The following SNTB1 variants were observed in gnomAD, a reference collection of about 807,000 sequenced individuals.
SNTB1 encodes syntrophin beta 1.
Under a neutral mutation model 48.9 loss-of-function variants are expected in SNTB1, and 36 were observed. That is an observed-to-expected ratio of 0.74 (90% CI 0.56 to 0.97). The LOEUF is 0.97. Among genes scored for constraint, SNTB1 ranks in the 50% least tolerant of loss-of-function variants. The pLI is 0.00. For synonymous variants in SNTB1, 299 were observed against 294.6 expected, an observed-to-expected ratio of 1.01 and a Z score of -0.15; for missense variants, 786 against 703.4, an observed-to-expected ratio of 1.12 and a Z score of -1.33.
chr8:120,603,726 T>C (rs1816463886), intron 3 of SNTB1, among the ~76,000 whole-genome samples: 1 of 152,160 alleles, frequency 6.6e-6, no homozygotes, highest in Non-Finnish European at 1.5e-5. Flanking sequence ...AACTGCTGGG[T>C]CCTATGTCAC....
intron 1 of SNTB1, among the ~76,000 whole-genome samples, chr8:120,703,929 A>G (rs1335895596): frequency 1.3e-5 from 2 of 152,242 alleles, no homozygotes; most frequent in Non-Finnish European, 2.9e-5. Context: ...CTACCTTATA[A>G]GAAAGAAAAT....
At chr8:120,662,192 T>C (rs1817599711) in intron 2 of SNTB1, among the ~76,000 whole-genome samples, 1 of 152,260 alleles carries the variant, frequency 6.6e-6, no homozygotes. Context: ...ACAAAATTGC[T>C]ATTTAAAAAA....
intron 3 of SNTB1, among the ~76,000 whole-genome samples, chr8:120,578,183 G>GC (rs1479216513): frequency 6.7e-6 from 1 of 150,048 alleles, no homozygotes; most frequent in African/African-American, 2.4e-5. Context: ...ACAGGCGCCC[G>GC]CCATCACGCC....
chr8:120,670,940 T>C (rs950934187), intron 2 of SNTB1, among the ~76,000 whole-genome samples: 1 of 152,224 alleles, frequency 6.6e-6, no homozygotes, highest in Admixed American at 6.5e-5. Context: ...TGCTCAAAGT[T>C]ATCAATTAGT....
chr8:120,768,471 C>A (rs1330042291), intron 1 of SNTB1, among the ~76,000 whole-genome samples: 1 of 152,130 alleles, frequency 6.6e-6, no homozygotes, highest in Non-Finnish European at 1.5e-5. Context: ...CCAATGATAT[C>A]ATTTATATTT....
chr8:120,579,611 T>A (rs1816011326), intron 3 of SNTB1, among the ~76,000 whole-genome samples: 1 of 152,020 alleles, frequency 6.6e-6, no homozygotes. Flanking sequence ...GCCCAGGTGA[T>A]GGAGTTGCAG....
At chr8:120,682,296 C>T (rs767349486) in intron 2 of SNTB1, among the ~76,000 whole-genome samples, 7 of 152,064 alleles carry the variant, frequency 4.6e-5, no homozygotes, top group Non-Finnish European at 8.8e-5. Context: ...TCTGTCTTAT[C>T]ATTTTGATAA....
chr8:120,707,057 A>G (rs1818389427), intron 1 of SNTB1, among the ~76,000 whole-genome samples: 1 of 152,214 alleles, frequency 6.6e-6, no homozygotes, highest in Non-Finnish European at 1.5e-5. Context: ...AGACTAGACA[A>G]TGCTATGGAT....
At chr8:120,764,849 C>G (rs1299985111) in intron 1 of SNTB1, among the ~76,000 whole-genome samples, 1 of 152,106 alleles carries the variant, frequency 6.6e-6, no homozygotes, top group Admixed American at 6.5e-5. Context: ...TCTTTGTTGC[C>G]TCCCTAATAT....
At chr8:120,696,319 A>C (rs1176826826) in intron 1 of SNTB1, among the ~76,000 whole-genome samples, 2 of 152,232 alleles carry the variant, frequency 1.3e-5, no homozygotes, top group African/African-American at 4.8e-5. Flanking sequence ...GACTTTAAAA[A>C]GTAGAGATAA....
intron 1 of SNTB1, among the ~76,000 whole-genome samples, chr8:120,753,989 T>C (rs1000293238): frequency 1.3e-5 from 2 of 152,140 alleles, no homozygotes; most frequent in Non-Finnish European, 2.9e-5. Context: ...TCAATCTAAA[T>C]TTGGGAGTAT....
chr8:120,643,278 T>C (rs1817226580), intron 2 of SNTB1, among the ~76,000 whole-genome samples: 1 of 152,214 alleles, frequency 6.6e-6, no homozygotes, highest in Admixed American at 6.5e-5. Flanking sequence ...TTCTCTGATT[T>C]TTAGATTTCA....
chr8:120,554,178 G>C (rs757552607), intron 4 of SNTB1, among the ~76,000 whole-genome samples: 2 of 152,130 alleles, frequency 1.3e-5, no homozygotes, highest in Non-Finnish European at 2.9e-5. Flanking sequence ...GGGATCTCCA[G>C]TTTCCTCCTG....
At chr8:120,636,362 AG>A (rs567675230) in intron 2 of SNTB1, among the ~76,000 whole-genome samples, 5,622 of 142,006 alleles carry the variant, frequency 0.04, 156 homozygotes, top group Middle Eastern at 0.18. Flanking sequence ...ATCTAGCATT[AG>A]GTATATCTCC....
intron 1 of SNTB1, among the ~76,000 whole-genome samples, chr8:120,753,866 A>G (rs1183264148): frequency 6.6e-6 from 1 of 152,200 alleles, no homozygotes; most frequent in East Asian, 1.9e-4. Context: ...TGTGTATACA[A>G]TGAATTTTTC....
chr8:120,704,986 A>G (rs1818358032), intron 1 of SNTB1, among the ~76,000 whole-genome samples: 1 of 152,180 alleles, frequency 6.6e-6, no homozygotes, highest in African/African-American at 2.4e-5. Flanking sequence ...GGCTCCACTG[A>G]TAGAAGTATG....
chr8:120,792,937 T>C (rs914249411), intron 1 of SNTB1, among the ~76,000 whole-genome samples: 2 of 151,960 alleles, frequency 1.3e-5, no homozygotes, highest in Admixed American at 1.3e-4. Context: ...TGACTCTAAT[T>C]CAAGGCAAAC....
chr8:120,661,763 C>T (rs568810949), intron 2 of SNTB1, among the ~76,000 whole-genome samples: 1 of 152,210 alleles, frequency 6.6e-6, no homozygotes, highest in South Asian at 2.1e-4. Context: ...TTTTCTGTTC[C>T]TGTGTTAGTT....
At chr8:120,552,211 G>C (rs75674786) in intron 4 of SNTB1, among the ~76,000 whole-genome samples, 3,845 of 152,248 alleles carry the variant, frequency 0.025, 68 homozygotes, top group African/African-American at 0.047. Context: ...AATGCAATTT[G>C]TTAGAAAATA....
Sources: gnomAD v4.1 joint callset for allele counts (sites outside exome capture counted in the v4.1 genomes callset) on GRCh38, gnomAD v4.1.1 for gene constraint, MANE v1.5 for transcripts, NCBI Gene and HGNC (gene_info 2026-07-23, HGNC 2026-07-21) for gene names.